The following DPP10 variants were observed in gnomAD, a reference collection of about 807,000 sequenced individuals.
The protein encoded by DPP10 is dipeptidyl peptidase like 10.
Under a neutral mutation model 120.9 loss-of-function variants are expected in DPP10, and 33 were observed. The observed-to-expected ratio is 0.27, with a 90% CI of 0.21 to 0.37. The LOEUF is 0.37. Among genes scored for constraint, DPP10 ranks in the 10% least tolerant of loss-of-function variants. DPP10 has a pLI of 1.00. For missense variants in DPP10, 816 were observed against 942.8 expected (o/e 0.87, Z 1.76); for synonymous variants, 337 against 326.1 (o/e 1.03, Z -0.36).
intron 1 of DPP10, among the ~76,000 whole-genome samples, chr2:115,056,701 A>G (rs931252785): frequency 2.6e-5 from 4 of 152,122 alleles, no homozygotes; most frequent in Non-Finnish European, 5.9e-5. Context: ...CGTAAGTCCA[A>G]TGCTACACAT....
chr2:114,482,966 C>T (rs1038061547), intron 1 of DPP10, among the ~76,000 whole-genome samples: 2 of 152,154 alleles, frequency 1.3e-5, no homozygotes, highest in Non-Finnish European at 2.9e-5. Flanking sequence ...TTAATTTAGT[C>T]TGACAACTTA....
rs528932301 is a variant in DPP10 at position 114,833,575 on chromosome 2, A to G, written c.60+390737A>G. The G allele has an allele frequency of 7.7e-4, 117 of 152,316 alleles. 1 individual carries two copies. Among genetic ancestry groups the G allele is most frequent in the African/African-American group, 2.1e-3 (88 of 41,562 alleles). 9.4% of individuals were successfully genotyped at this position (152,316 alleles called of 1,614,324 possible). On this transcript the variant is annotated intron_variant, in intron 1 of 25. Transcript: ENST00000410059. ...GTGCTAACAGGGAATATTCTGTGAC[A>G]TCATAATTTTGGGCACTGAATTTTG...
rs181967723 is a variant in DPP10 at position 115,689,350 on chromosome 2, A to G, written c.442-337A>G. Among the ~76,000 whole-genome samples the G allele has an allele frequency of 3.0e-4, 46 of 152,298 alleles. 1 individual carries two copies. The East Asian group carries it at 4.1e-3, about 13-fold the overall frequency. On this transcript the variant is annotated intron_variant, in intron 5 of 25. Coordinates refer to ENST00000410059, the MANE Select transcript of DPP10 (RefSeq NM_020868.6). ...GGGTGATAAGTTTAGAAAAACATGT[A>G]AAAGCCAAAATAACAAAATTATTTA...
At chr2:114,783,189 CACTT>C (rs981206032) in intron 1 of DPP10, among the ~76,000 whole-genome samples, 4 of 151,986 alleles carry the variant, frequency 2.6e-5, no homozygotes, top group African/African-American at 9.7e-5. Context: ...ATCTGTAACT[CACTT>C]ATTGGAAATA....
intron 7 of DPP10, among the ~76,000 whole-genome samples, chr2:115,690,890 G>A (rs967423707): frequency 6.6e-6 from 1 of 152,132 alleles, no homozygotes; most frequent in African/African-American, 2.4e-5. Context: ...GCAATAATGA[G>A]AGCGTTCCCT....
chr2:114,740,499 A>AATTAT (rs2105984264), intron 1 of DPP10, among the ~76,000 whole-genome samples: 1 of 136,638 alleles, frequency 7.3e-6, no homozygotes, highest in African/African-American at 3.0e-5. Flanking sequence ...CTAAAACTTA[A>AATTAT]AGTAATAATA....
intron 10 of DPP10, among the ~76,000 whole-genome samples, chr2:115,752,367 T>C (rs1004189715): frequency 2.0e-5 from 3 of 152,188 alleles, no homozygotes; most frequent in African/African-American, 7.2e-5. Flanking sequence ...TGTATACCTG[T>C]CCAAATGTAT....
At chr2:114,670,140 T>C (rs1698221017) in intron 1 of DPP10, among the ~76,000 whole-genome samples, 1 of 152,096 alleles carries the variant, frequency 6.6e-6, no homozygotes, top group Non-Finnish European at 1.5e-5. Context: ...GAACCAGAAA[T>C]ACCATTTGAC....
At chr2:115,468,732 A>C (rs1002713891) in intron 3 of DPP10, 9 of 386,294 alleles carry the variant, frequency 2.3e-5, no homozygotes, top group Non-Finnish European at 4.0e-5. Flanking sequence ...GAAGAATTTC[A>C]GGATGAATGG....
chr2:114,785,627 A>G (rs1173573868), intron 1 of DPP10, among the ~76,000 whole-genome samples: 2 of 152,176 alleles, frequency 1.3e-5, no homozygotes, highest in African/African-American at 4.8e-5. Flanking sequence ...CTCAACTCCT[A>G]TGCTCAGGAG....
At position 115,716,648 on chromosome 2, in the gene DPP10, T is replaced by C. The variant is rs193019201; in HGVS notation, c.577-11168T>C. 3.8e-4 allele frequency among the ~76,000 whole-genome samples: 58 copies of C among 152,276 alleles called. No individual in the cohort carries two copies. In the East Asian group the frequency reaches 9.8e-3, roughly 26 times the overall value. The stretch of plus-strand genomic sequence containing the variant: ...AACCAAGTTCGCTTTTCTATGATTA[T>C]TTTACTGGTGTACATTGTGTTTGAA... On this transcript the variant is annotated intron_variant, in intron 7 of 25. Transcript: ENST00000410059.
intron 1 of DPP10, among the ~76,000 whole-genome samples, chr2:115,215,747 T>C (rs896322961): frequency 6.6e-6 from 1 of 152,152 alleles, no homozygotes; most frequent in Non-Finnish European, 1.5e-5. Flanking sequence ...AATCCAGCAA[T>C]CCCATTACTG....
chr2:114,854,268 T>A (rs1689197034), intron 1 of DPP10, among the ~76,000 whole-genome samples: 2 of 152,204 alleles, frequency 1.3e-5, no homozygotes, highest in Admixed American at 6.5e-5. Context: ...CGTAGTGAGT[T>A]GTCAATAATG....
intron 1 of DPP10, among the ~76,000 whole-genome samples, chr2:114,741,963 C>G (rs1253561322): frequency 6.6e-6 from 1 of 152,150 alleles, no homozygotes; most frequent in Non-Finnish European, 1.5e-5. Flanking sequence ...GTACTTTGTT[C>G]CAGCAGGGGA....
intron 1 of DPP10, among the ~76,000 whole-genome samples, chr2:114,497,343 AC>A (rs1316528767): frequency 4.1e-5 from 1 of 24,594 alleles, no homozygotes; most frequent in African/African-American, 1.2e-4. Flanking sequence ...ATGTACATAT[AC>A]ATACACATGT....
intron 1 of DPP10, among the ~76,000 whole-genome samples, chr2:115,124,770 T>C (rs2049989040): frequency 6.6e-6 from 1 of 152,214 alleles, no homozygotes; most frequent in South Asian, 2.1e-4. Context: ...AAGGTATCAC[T>C]AGTGTCTAAA....
chr2:115,125,632 C>T (rs2050037641), intron 1 of DPP10, among the ~76,000 whole-genome samples: 1 of 138,872 alleles, frequency 7.2e-6, no homozygotes, highest in Non-Finnish European at 1.5e-5. Flanking sequence ...AGTGCAGTGG[C>T]ATGATCTTGG....
intron 1 of DPP10, among the ~76,000 whole-genome samples, chr2:114,536,408 C>CTT (rs70937287): frequency 0.019 from 2,491 of 128,682 alleles, 96 homozygotes; most frequent in African/African-American, 0.054. Flanking sequence ...TTTTCTTTTT[C>CTT]TTTTTTTTTT....
chr2:114,595,915 T>C (rs545107229), intron 1 of DPP10, among the ~76,000 whole-genome samples: 13 of 152,266 alleles, frequency 8.5e-5, no homozygotes, highest in Non-Finnish European at 1.3e-4. Context: ...AGAGGAGATG[T>C]AGTCAGTGAT....
Sources: allele counts gnomAD v4.1 joint callset (sites outside exome capture counted in the v4.1 genomes callset), GRCh38; gene constraint gnomAD v4.1.1; transcripts MANE v1.5; gene names NCBI Gene and HGNC (gene_info 2026-07-23, HGNC 2026-07-21).